Variants in ABL2 observed in about 807,000 individuals in gnomAD.
The protein encoded by ABL2 is ABL proto-oncogene 2, non-receptor tyrosine kinase, also known as tyrosine-protein kinase ABL2.
ABL2 carries 49 observed loss-of-function variants against 107.7 expected under a neutral mutation model. That is an observed-to-expected ratio of 0.45 (90% CI 0.36 to 0.58). The LOEUF (loss-of-function observed/expected upper bound fraction) is 0.58, where lower values mean the gene tolerates loss of function less well. Ranked by LOEUF, ABL2 falls within the 20% of genes least tolerant of loss-of-function variation. The probability of loss-of-function intolerance (pLI) is 0.00; values close to 1 mark genes in which losing one functional copy is unlikely to be tolerated. For missense variants in ABL2, 1,245 were observed against 1,457.0 expected, an observed-to-expected ratio of 0.85 and a Z score of 2.37; for synonymous variants, 549 against 548.6, an observed-to-expected ratio of 1.00 and a Z score of -0.01.
Position 179,229,500 on chromosome 1 carries a change from C to T in ABL2, c.-103G>A, listed in dbSNP as rs961719169. ...GCTGCTCCGGTCTCTCCCTCCCAGC[C>T]CAGGCCCTGGCCCTGAGTGGCTGGG... is the stretch of plus-strand genomic sequence containing the variant. On this transcript the variant is annotated 5_prime_UTR_variant, in exon 1 of 12. Coordinates refer to ENST00000502732, the MANE Select transcript of ABL2 (RefSeq NM_007314.4). 6.9e-5 allele frequency: 89 copies of T among 1,293,760 alleles called. No individual in the cohort carries two copies. Among genetic ancestry groups the T allele is most frequent in the Middle Eastern group, 5.6e-4 (2 of 3,594 alleles). 80.1% of individuals were successfully genotyped at this position (1,293,760 alleles called of 1,614,324 possible).
intron 1 of ABL2, among the ~76,000 whole-genome samples, chr1:179,199,759 T>G (rs927519717): frequency 6.7e-6 from 1 of 149,454 alleles, no homozygotes; most frequent in African/African-American, 2.5e-5. Context: ...TGAGACAGAT[T>G]CTCTCTCTGT....
chr1:179,143,788 A>C (rs2493123), intron 1 of ABL2, among the ~76,000 whole-genome samples: 75,399 of 152,064 alleles, frequency 0.5, 18,849 homozygotes, highest in Admixed American at 0.54. Context: ...CCTCTACCTC[A>C]CGGGTTCAAG....
intron 7 of ABL2, 57 bp from the exon 8 acceptor site, chr1:179,117,573 G>C: frequency 6.4e-7 from 1 of 1,573,948 alleles, no homozygotes; most frequent in Non-Finnish European, 8.7e-7. Context: ...AAATGGTCAT[G>C]AACACTCTAT....
In ABL2 at chr1:179,112,408, A is replaced by G. The variant is rs570185332; in HGVS notation, c.1562-10T>C. ...GGGCTCCACTTCCAGCCTATGTAAC[A>G]GAAGAAAAAATATTAAAAACTCCTT... On this transcript the variant is annotated splice_polypyrimidine_tract_variant and intron_variant, in intron 9 of 11. Transcript: ENST00000502732. The G allele has an allele frequency of 1.9e-6, 3 of 1,608,702 alleles. No individual in the cohort carries two copies. The highest frequency in any genetic ancestry group is 2.2e-5 in the South Asian group (2 of 90,668).
At chr1:179,170,318 A>C (rs1365078737) in intron 1 of ABL2, among the ~76,000 whole-genome samples, 1 of 152,184 alleles carries the variant, frequency 6.6e-6, no homozygotes, top group Non-Finnish European at 1.5e-5. Context: ...TTTCAATAGC[A>C]ATTACGTTTC....
In ABL2 at chr1:179,108,365, ATG is replaced by A; in HGVS notation, c.2900_2901del (p.Thr967IlefsTer99). The A allele has an allele frequency of 6.2e-7, 1 of 1,614,170 alleles. No homozygotes were observed. The highest frequency in any genetic ancestry group is 8.5e-7 in the Non-Finnish European group (1 of 1,180,040). On this transcript the variant is annotated frameshift_variant, in exon 12 of 12. Transcript: ENST00000502732. LOFTEE classifies it high-confidence loss of function. The stretch of plus-strand genomic sequence containing the variant: ...CGGGGTCGGTCCTTGTCTCCAGAGG[ATG>A]TGACCTGATGCTCAGATAAGAGCTT... ...KFKLLSEHQV[T>X]SSGDKDRPRR...
Position 179,121,838 on chromosome 1 carries a change from G to A in ABL2, c.717C>T (p.Ser239=). 6.2e-7 allele frequency: 1 copy of A among 1,613,648 alleles called. No individual in the cohort carries two copies. Among genetic ancestry groups the A allele is most frequent in the Non-Finnish European group, 8.5e-7 (1 of 1,179,900 alleles). Residue 239 remains serine, a synonymous_variant, in exon 5 of 12, where the codon AGC becomes AGT. Transcript: ENST00000502732. ...GATGGTGTACAAGCTCTGCCAAGGT[G>A]CTGAAGCGGCTCTCAGCAGTCACAT... is the stretch of plus-strand genomic sequence containing the variant. The part of the protein sequence containing the change: ...KVYVTAESRF[S]TLAELVHHHS...
At chr1:179,117,308 G>GA (rs769928820) in intron 8 of ABL2, 24 bp downstream of exon 8, 1 of 1,608,286 alleles carries the variant, frequency 6.2e-7, no homozygotes, top group African/African-American at 1.3e-5. Context: ...AAATGACACA[G>GA]AAAAAAGTCC....
At chr1:179,170,626 C>T (rs1020608892) in intron 1 of ABL2, among the ~76,000 whole-genome samples, 2 of 151,882 alleles carry the variant, frequency 1.3e-5, no homozygotes, top group African/African-American at 4.8e-5. Flanking sequence ...GAGGGAGTCT[C>T]GCTCTGTCAC....
At chr1:179,224,634 T>C (rs1663091649) in intron 1 of ABL2, among the ~76,000 whole-genome samples, 1 of 152,086 alleles carries the variant, frequency 6.6e-6, no homozygotes, top group Non-Finnish European at 1.5e-5. Flanking sequence ...ATCATTCAGC[T>C]GTTAAAAGGT....
chr1:179,193,728 T>C (rs1377121746), intron 1 of ABL2, among the ~76,000 whole-genome samples: 1 of 151,686 alleles, frequency 6.6e-6, no homozygotes, highest in Non-Finnish European at 1.5e-5. Context: ...GCTGTTGTAT[T>C]TTGTTTTTTT....
chr1:179,121,533 T>A, intron 5 of ABL2, 62 bp downstream of exon 5: 1 of 1,565,552 alleles, frequency 6.4e-7, no homozygotes, highest in East Asian at 2.2e-5. Context: ...CATGCTGATA[T>A]TTCCAAGTGA....
chr1:179,208,999 AG>A (rs1662129502), intron 1 of ABL2, among the ~76,000 whole-genome samples: 1 of 152,238 alleles, frequency 6.6e-6, no homozygotes, highest in Admixed American at 6.5e-5. Context: ...AACTAAATCT[AG>A]AAAAATGGGT....
At chr1:179,112,525 T>C (rs1030900155) in intron 9 of ABL2, 127 bp from the exon 10 acceptor site, 32 of 647,598 alleles carry the variant, frequency 4.9e-5, no homozygotes, top group South Asian at 3.8e-4. Context: ...ATGTTCACAA[T>C]GATAGCAACA....
At chr1:179,135,603 G>A (rs1656828175) in intron 1 of ABL2, among the ~76,000 whole-genome samples, 1 of 151,800 alleles carries the variant, frequency 6.6e-6, no homozygotes, top group Non-Finnish European at 1.5e-5. Flanking sequence ...GGGAGGTGGG[G>A]GGGTCAGCCC....
At chr1:179,224,997 G>A (rs534581530) in intron 1 of ABL2, among the ~76,000 whole-genome samples, 9 of 152,264 alleles carry the variant, frequency 5.9e-5, no homozygotes, top group African/African-American at 1.4e-4. Context: ...CTGCACTCCA[G>A]CCTGGGTGGC....
At chr1:179,118,269 T>C (rs559505482) in intron 7 of ABL2, among the ~76,000 whole-genome samples, 32 of 152,096 alleles carry the variant, frequency 2.1e-4, no homozygotes, top group African/African-American at 6.5e-4. Context: ...TCCCAGCACT[T>C]TGGAAGGCTA....
chr1:179,184,225 C>T, intron 1 of ABL2: 5 of 505,824 alleles, frequency 9.9e-6, no homozygotes, highest in South Asian at 9.7e-5. Context: ...TTTGAAGATA[C>T]TAAGTCAGGT....
At chr1:179,165,441 A>C (rs1222843474) in intron 1 of ABL2, among the ~76,000 whole-genome samples, 2 of 152,158 alleles carry the variant, frequency 1.3e-5, no homozygotes, top group African/African-American at 4.8e-5. Context: ...TAAAAAAAAA[A>C]ACTAGTACAG....
Sources: allele counts gnomAD v4.1 joint callset (sites outside exome capture counted in the v4.1 genomes callset), GRCh38; gene constraint gnomAD v4.1.1; transcripts MANE v1.5; gene names NCBI Gene and HGNC (gene_info 2026-07-23, HGNC 2026-07-21).